Variants in NTM observed in about 807,000 individuals in gnomAD.
NTM encodes the protein IgLON family member 2.
NTM carries 13 observed loss-of-function variants against 42.1 expected under a neutral mutation model. That is an observed-to-expected ratio of 0.31 (90% CI 0.20 to 0.49). The LOEUF (loss-of-function observed/expected upper bound fraction) is 0.49. Among genes scored for constraint, NTM ranks in the 20% least tolerant of loss-of-function variants. The pLI, the probability that NTM is intolerant of heterozygous loss-of-function variation, is 0.99. For synonymous variants in NTM, 187 were observed against 179.2 expected (o/e 1.04, Z -0.35); for missense variants, 373 against 452.8 (o/e 0.82, Z 1.60).
intron 3 of NTM, among the ~76,000 whole-genome samples, chr11:132,205,945 G>C (rs1303176710): frequency 1.3e-5 from 2 of 152,078 alleles, no homozygotes; most frequent in Admixed American, 1.3e-4. Context: ...GAAGGTCTAG[G>C]GGTCTCCCTG....
At chr11:131,596,033 C>A (rs187292326) in intron 1 of NTM, among the ~76,000 whole-genome samples, 272 of 152,342 alleles carry the variant, frequency 1.8e-3, no homozygotes, top group Non-Finnish European at 2.4e-3. Context: ...GAGTCCTCAT[C>A]AACATTTGCT....
chr11:131,844,937 T>G (rs1242767233), intron 1 of NTM, among the ~76,000 whole-genome samples: 1 of 152,210 alleles, frequency 6.6e-6, no homozygotes, highest in Non-Finnish European at 1.5e-5. Context: ...CCTTATTATC[T>G]TCATTTCTTT....
intron 1 of NTM, among the ~76,000 whole-genome samples, chr11:131,545,793 T>A (rs1225528604): frequency 1.3e-5 from 2 of 151,968 alleles, no homozygotes; most frequent in African/African-American, 4.8e-5. Flanking sequence ...TGTCGTCAAG[T>A]AGAGGAGGGG....
chr11:132,226,192 A>G (rs2086236334), intron 4 of NTM, among the ~76,000 whole-genome samples: 1 of 152,320 alleles, frequency 6.6e-6, no homozygotes, highest in Non-Finnish European at 1.5e-5. Context: ...GTGTCTTTAT[A>G]GTAGAATGAT....
At chr11:131,860,623 C>T (rs915903872) in intron 1 of NTM, among the ~76,000 whole-genome samples, 19 of 152,166 alleles carry the variant, frequency 1.2e-4, no homozygotes, top group African/African-American at 3.4e-4. Flanking sequence ...CAAGGAGCCA[C>T]GCTTACTAGT....
chr11:131,409,869 T>C (rs961337784), intron 1 of NTM, among the ~76,000 whole-genome samples: 3 of 152,178 alleles, frequency 2.0e-5, no homozygotes, highest in Admixed American at 6.5e-5. Flanking sequence ...TCTCCTTTTT[T>C]AATCATCTCC....
At chr11:132,145,134 A>C (rs1257556182) in intron 2 of NTM, among the ~76,000 whole-genome samples, 1 of 152,242 alleles carries the variant, frequency 6.6e-6, no homozygotes, top group African/African-American at 2.4e-5. Context: ...ACCAGGAATT[A>C]GAAGACTTGA....
Position 131,598,308 on chromosome 11 carries a change from A to T in NTM, c.82+227420A>T, listed in dbSNP as rs141465496. 1.3e-3 allele frequency among the ~76,000 whole-genome samples: 200 copies of T among 152,332 alleles called. 2 individuals are homozygous for T. The East Asian group carries it at 0.035, about 26-fold the overall frequency. ...TTTTATCTTCTAGTTGTGGTGCCAGATGGTAATGTTCTGGTAAATTTCCGT... is the reference window on the plus strand; with the variant it reads ...TTTTATCTTCTAGTTGTGGTGCCAGTTGGTAATGTTCTGGTAAATTTCCGT... On this transcript the variant is annotated intron_variant, in intron 1 of 8. Transcript: ENST00000683400.
intron 1 of NTM, among the ~76,000 whole-genome samples, chr11:131,892,244 G>C (rs1311102053): frequency 6.6e-6 from 1 of 152,160 alleles, no homozygotes; most frequent in East Asian, 1.9e-4. Flanking sequence ...GGTTCTGCTA[G>C]ACAGGGTAGC....
At chr11:131,388,661 A>G (rs190936797) in intron 1 of NTM, among the ~76,000 whole-genome samples, 1 of 152,118 alleles carries the variant, frequency 6.6e-6, no homozygotes, top group African/African-American at 2.4e-5. Context: ...GGCTCATTGT[A>G]TTATTTTAAG....
chr11:132,100,409 G>T (rs540335105), intron 2 of NTM, among the ~76,000 whole-genome samples: 119 of 152,296 alleles, frequency 7.8e-4, no homozygotes, highest in African/African-American at 2.8e-3. Context: ...ACACTGGGGG[G>T]ACACATAGGC....
intron 1 of NTM, among the ~76,000 whole-genome samples, chr11:131,654,506 T>C (rs926285330): frequency 2.6e-5 from 4 of 152,054 alleles, no homozygotes; most frequent in East Asian, 3.9e-4. Context: ...TCTCTGCCAA[T>C]AGCAGTGTCA....
chr11:132,104,615 A>ATAATAAT (rs1218783826), intron 2 of NTM, among the ~76,000 whole-genome samples: 21 of 149,734 alleles, frequency 1.4e-4, no homozygotes, highest in African/African-American at 5.2e-4. Context: ...AATAGTAATA[A>ATAATAAT]TCATAATAAT....
intron 1 of NTM, among the ~76,000 whole-genome samples, chr11:131,512,155 G>A (rs1302028975): frequency 6.6e-6 from 1 of 152,198 alleles, no homozygotes; most frequent in Non-Finnish European, 1.5e-5. Context: ...TGGACCATGA[G>A]CCTTGGGGAC....
rs1470265479 is a variant in NTM, at chr11:132,056,036, T to A, written c.168-90246T>A. ...GCAGCTGTGTGTTCAGGTAGAAAAG[T>A]ATGAGGTGTGGGACAGTGGGAAATT... On this transcript the variant is annotated intron_variant, in intron 2 of 8. Transcript: ENST00000683400. Among the ~76,000 whole-genome samples the A allele has an allele frequency of 3.3e-5, 5 of 152,338 alleles. No homozygotes were observed. The East Asian group carries it at 7.7e-4, about 23-fold the overall frequency.
At chr11:131,905,271 A>G (rs551537384) in intron 1 of NTM, among the ~76,000 whole-genome samples, 27 of 152,346 alleles carry the variant, frequency 1.8e-4, no homozygotes, top group African/African-American at 5.8e-4. Flanking sequence ...GTCTGAGTCT[A>G]AAACCCAAGG....
chr11:132,322,373 G>A (rs2095589531), intron 7 of NTM, among the ~76,000 whole-genome samples: 1 of 149,042 alleles, frequency 6.7e-6, no homozygotes, highest in African/African-American at 2.5e-5. Flanking sequence ...GGCAGGGGTT[G>A]CAATCCTAGT....
chr11:131,492,915 G>A (rs1044431730), intron 1 of NTM, among the ~76,000 whole-genome samples: 2 of 152,096 alleles, frequency 1.3e-5, no homozygotes, highest in Admixed American at 6.5e-5. Flanking sequence ...TATGAGAGAA[G>A]CAGGAAAAGA....
chr11:131,555,921 C>T (rs1592039063), intron 1 of NTM, among the ~76,000 whole-genome samples: 1 of 152,152 alleles, frequency 6.6e-6, no homozygotes, highest in South Asian at 2.1e-4. Context: ...CCATGGGTGG[C>T]AAACAAGGAA....
Sources: gnomAD v4.1 joint callset for allele counts (sites outside exome capture counted in the v4.1 genomes callset) on GRCh38, gnomAD v4.1.1 for gene constraint, MANE v1.5 for transcripts, NCBI Gene and HGNC (gene_info 2026-07-23, HGNC 2026-07-21) for gene names.